NREP: variants seen among roughly 807,000 people sequenced by gnomAD.
NREP encodes neuronal regeneration-related protein.
A neutral mutation model predicts 8.6 loss-of-function variants in NREP; 5 were observed. That is an observed-to-expected ratio of 0.58 (90% CI 0.30 to 1.22). The LOEUF (loss-of-function observed/expected upper bound fraction) is 1.22, where lower values mean the gene tolerates loss of function less well. Ranked by LOEUF, NREP falls within the 50% of genes most tolerant of loss-of-function variation. NREP has a pLI of 0.07. For missense variants in NREP, 86 were observed against 82.5 expected (o/e 1.04, Z -0.17); for synonymous variants, 27 against 28.0 (o/e 0.96, Z 0.11).
intron 2 of NREP, among the ~76,000 whole-genome samples, chr5:111,940,860 A>G (rs1163580238): frequency 1.3e-5 from 2 of 152,094 alleles, no homozygotes; most frequent in African/African-American, 4.8e-5. Context: ...ACTTTTGGTT[A>G]TAGTACAGTG....
At chr5:111,775,889 GA>G (rs1751344944) in intron 2 of NREP, among the ~76,000 whole-genome samples, 1 of 151,914 alleles carries the variant, frequency 6.6e-6, no homozygotes. Flanking sequence ...AGGGGTGAAG[GA>G]TATTAAAAGA....
rs914346880 is a variant in NREP, at chr5:111,819,301, T to C, written c.136-83794A>G. ...CACTCTGGCTTGTACCTCTGCTCTC[T>C]TTAAAATAGCTAAACGGAATTAGCA... On this transcript the variant is annotated intron_variant, in intron 2 of 3. Coordinates refer to the NREP transcript ENST00000395634. Among the ~76,000 whole-genome samples the C allele has an allele frequency of 2.0e-5, 3 of 152,278 alleles. No individual in the cohort carries two copies. In the East Asian group the frequency reaches 5.8e-4, roughly 29 times the overall value.
At chr5:111,906,813 C>T (rs1021127958) in intron 2 of NREP, among the ~76,000 whole-genome samples, 2 of 152,044 alleles carry the variant, frequency 1.3e-5, no homozygotes, top group South Asian at 2.1e-4. Context: ...TAAGTATCTT[C>T]TTTGGTGAAG....
At chr5:111,764,133 G>T (rs926240716) in intron 2 of NREP, among the ~76,000 whole-genome samples, 12 of 152,166 alleles carry the variant, frequency 7.9e-5, no homozygotes, top group Non-Finnish European at 1.8e-4. Flanking sequence ...CTGTTCCATT[G>T]ACCTTAGCCT....
At chr5:111,960,528 C>T (rs910687506) in intron 2 of NREP, among the ~76,000 whole-genome samples, 1 of 152,066 alleles carries the variant, frequency 6.6e-6, no homozygotes, top group African/African-American at 2.4e-5. Context: ...GAAAAACAAT[C>T]CAGGGGATAG....
rs1264432518 is a variant in NREP, at chr5:111,788,684, T to A, written c.136-53177A>T. ...CATAGGTAATATCTGGGCTACACAATCACATTTCAAAATTACACACATGGT... is the reference window on the plus strand; with the variant it reads ...CATAGGTAATATCTGGGCTACACAAACACATTTCAAAATTACACACATGGT... On this transcript the variant is annotated intron_variant, in intron 2 of 3. Coordinates refer to the NREP transcript ENST00000395634. Among the ~76,000 whole-genome samples, 3 of 152,212 alleles carry A rather than the reference T, an allele frequency of 2.0e-5. 1 individual carries two copies. Among genetic ancestry groups the A allele is most frequent in the African/African-American group, 7.2e-5 (3 of 41,450 alleles).
intron 2 of NREP, among the ~76,000 whole-genome samples, chr5:111,830,435 A>G (rs992042722): frequency 1.3e-5 from 2 of 152,234 alleles, no homozygotes; most frequent in Non-Finnish European, 2.9e-5. Context: ...AGAGGAAAAC[A>G]TTGTGGCTTT....
intron 2 of NREP, among the ~76,000 whole-genome samples, chr5:111,966,823 T>C (rs1756655641): frequency 6.6e-6 from 1 of 152,208 alleles, no homozygotes; most frequent in Non-Finnish European, 1.5e-5. Flanking sequence ...TCCAATCTGT[T>C]TTTTGTCCAC....
chr5:111,967,978 A>G (rs576126934), intron 2 of NREP, among the ~76,000 whole-genome samples: 148 of 152,278 alleles, frequency 9.7e-4, no homozygotes, highest in Middle Eastern at 3.4e-3. Context: ...TTACTTTTGC[A>G]CCACTCTAAT....
intron 2 of NREP, among the ~76,000 whole-genome samples, chr5:111,962,234 A>G (rs943089180): frequency 3.9e-5 from 6 of 152,188 alleles, no homozygotes; most frequent in Admixed American, 2.6e-4. Context: ...GCCTGAGAAA[A>G]TGCCTTTATT....
At chr5:111,973,303 A>G (rs759558949) in intron 2 of NREP, among the ~76,000 whole-genome samples, 3 of 152,152 alleles carry the variant, frequency 2.0e-5, no homozygotes, top group East Asian at 1.9e-4. Context: ...TCTTATTAAG[A>G]TGAAACCTAA....
chr5:111,931,082 A>G (rs148829969), intron 2 of NREP, among the ~76,000 whole-genome samples: 257 of 152,208 alleles, frequency 1.7e-3, no homozygotes, highest in African/African-American at 5.9e-3. Context: ...GCTGAATTAA[A>G]TAATCCAGGC....
At chr5:111,886,915 A>G (rs1193118191) in intron 2 of NREP, among the ~76,000 whole-genome samples, 2 of 152,040 alleles carry the variant, frequency 1.3e-5, no homozygotes, top group Non-Finnish European at 2.9e-5. Flanking sequence ...TGGCACATGT[A>G]TACATATGTA....
At chr5:111,882,006 A>G (rs1754090960) in intron 2 of NREP, among the ~76,000 whole-genome samples, 1 of 152,230 alleles carries the variant, frequency 6.6e-6, no homozygotes, top group African/African-American at 2.4e-5. Context: ...TTGAGAGAAG[A>G]AGGCTTCAGA....
At chr5:111,799,466 C>T (rs1751951272) in intron 2 of NREP, among the ~76,000 whole-genome samples, 1 of 152,208 alleles carries the variant, frequency 6.6e-6, no homozygotes. Flanking sequence ...GTGGTTAACA[C>T]ATGTTGAAGA....
chr5:111,870,114 GC>G (rs2112494730), intron 2 of NREP, among the ~76,000 whole-genome samples: 1 of 152,268 alleles, frequency 6.6e-6, no homozygotes, highest in East Asian at 1.9e-4. Context: ...AACAACTAAG[GC>G]TTTTTAGCAT....
intron 2 of NREP, among the ~76,000 whole-genome samples, chr5:111,945,193 T>C (rs1272046819): frequency 2.0e-5 from 3 of 152,248 alleles, no homozygotes; most frequent in South Asian, 2.1e-4. Flanking sequence ...ATTTAAAAAA[T>C]TAGGGTATAA....
At chr5:111,761,327 G>C (rs79705574), upstream of NREP, among the ~76,000 whole-genome samples, 3 of 152,258 alleles carry the variant, frequency 2.0e-5, no homozygotes, top group African/African-American at 7.2e-5. Flanking sequence ...CTTTTGCAGT[G>C]AGTTACACTG....
chr5:111,770,829 C>T (rs189111604), intron 2 of NREP, among the ~76,000 whole-genome samples: 114 of 152,164 alleles, frequency 7.5e-4, no homozygotes, highest in African/African-American at 2.6e-3. Flanking sequence ...CTCAGCCTTT[C>T]AAAGTGCTGG....
Sources: allele counts gnomAD v4.1 joint callset (sites outside exome capture counted in the v4.1 genomes callset), GRCh38; gene constraint gnomAD v4.1.1; transcripts MANE v1.5; gene names NCBI Gene and HGNC (gene_info 2026-07-23, HGNC 2026-07-21).